The following GRIN2C variants were observed in gnomAD, a reference collection of about 807,000 sequenced individuals.
The protein encoded by GRIN2C is glutamate receptor ionotropic, NMDA 2C.
A neutral mutation model predicts 77.7 loss-of-function variants in GRIN2C; 64 were observed. The ratio of observed to expected loss-of-function variants is 0.82; its 90% confidence interval spans 0.67 to 1.01. GRIN2C has a LOEUF of 1.01. Among genes scored for constraint, GRIN2C ranks in the 50% least tolerant of loss-of-function variants. GRIN2C has a pLI of 0.00. For synonymous variants in GRIN2C, 792 were observed against 643.4 expected (o/e 1.23, Z -3.49); for missense variants, 1,549 against 1,486.0 (o/e 1.04, Z -0.70).
Position 74,842,953 on chromosome 17 carries a change from G to A in GRIN2C, c.3184C>T (p.Arg1062Trp), listed in dbSNP as rs1317018665. The change falls in exon 13 of 13, where the codon CGG (arginine) becomes TGG (tryptophan). Residue 1062 changes from arginine (R) to tryptophan (W), a missense_variant. Arg to Trp is a moderately radical substitution (Grantham distance 101). This residue lies in a region of GRIN2C where 450 missense variants were observed against 267.9 expected (regional missense o/e 1.68). Transcript: ENST00000293190. ...LPLLGPEQLA[R>W]REALLHAAWA... ...GCCGCGTGCAGCAGGGCCTCCCGCC[G>A]GGCCAGCTGCTCCGGACCGAGCAGC... 18 of 551,718 alleles carry A rather than the reference G, an allele frequency of 3.3e-5. No homozygotes were observed. Among genetic ancestry groups the A allele is most frequent in the Non-Finnish European group, 5.4e-5 (17 of 314,842 alleles). 34.2% of individuals were successfully genotyped at this position (551,718 alleles called of 1,614,324 possible). A position where few individuals can be genotyped will look rare whatever the true frequency, so the allele number is the denominator to read the frequency against.
chr17:74,844,204 A>G (rs750407219), intron 12 of GRIN2C, 72 bp downstream of exon 12: 5 of 1,582,702 alleles, frequency 3.2e-6, no homozygotes, highest in African/African-American at 1.3e-5. Flanking sequence ...GAAATGGGCC[A>G]TGGCCAGCCC....
chr17:74,849,757 T>C lies in GRIN2C; in HGVS notation c.1645+23A>G, dbSNP rs764503294. On this transcript the variant is annotated intron_variant, in intron 7 of 12. Coordinates refer to ENST00000293190, the MANE Select transcript of GRIN2C (RefSeq NM_000835.6). The surrounding 1 kb of genome is among the most constrained non-coding windows in gnomAD (Gnocchi z 4.6). ...GTGGGCCCCTCTGCCCCCGGAGCCG[T>C]CTCTGCCCACCCTGGGCCTCACCCA... 17 of 1,602,256 alleles carry C rather than the reference T, an allele frequency of 1.1e-5. No homozygotes were observed. The highest frequency in any genetic ancestry group is 1.4e-5 in the Non-Finnish European group (16 of 1,176,950).
At chr17:74,861,109 A>G (rs1040512466), upstream of GRIN2C, among the ~76,000 whole-genome samples, 5 of 152,212 alleles carry the variant, frequency 3.3e-5, no homozygotes, top group African/African-American at 4.8e-5. Context: ...GCGCCAAGCG[A>G]AGGAGGAGGA....
Position 74,856,613 on chromosome 17 carries a change from G to A in GRIN2C, c.-15-1506C>T, listed in dbSNP as rs377739851. 3.6e-4 allele frequency among the ~76,000 whole-genome samples: 55 copies of A among 151,838 alleles called. No individual in the cohort carries two copies. In the South Asian group the frequency reaches 9.0e-3, roughly 25 times the overall value. On this transcript the variant is annotated intron_variant, in intron 1 of 12. Coordinates refer to ENST00000293190, the MANE Select transcript of GRIN2C (RefSeq NM_000835.6). ...CCTGCCTCGGCCTCCCAAGTAGCTG[G>A]GACTACAGGCGCCCACCACCATGCC...
intron 7 of GRIN2C, among the ~76,000 whole-genome samples, chr17:74,848,925 G>A (rs1043994836): frequency 7.2e-5 from 11 of 151,918 alleles, no homozygotes; most frequent in Non-Finnish European, 2.9e-5. Context: ...GCTGAGGTGG[G>A]AGGATCACTT....
chr17:74,847,379 TG>T lies in GRIN2C; in HGVS notation c.1929del (p.Tyr643Ter). The T allele has an allele frequency of 1.3e-6, 2 of 1,584,122 alleles. No individual in the cohort carries two copies. The highest frequency in any genetic ancestry group is 1.7e-6 in the Non-Finnish European group (2 of 1,161,960). ...AFFAVIFLAS[Y>X]TANLAAFMIQ... ...ATCATGAAGGCGGCCAGGTTGGCCG[TG>T]TAGCTGGCGAGGAAGATGACAGCAA... On this transcript the variant is annotated frameshift_variant, in exon 9 of 13. Transcript: ENST00000293190. LOFTEE classifies it high-confidence loss of function. The surrounding 1 kb of genome is among the most constrained non-coding windows in gnomAD (Gnocchi z 5.2).
Position 74,850,998 on chromosome 17 carries a change from G to C in GRIN2C, c.1114-231C>G, listed in dbSNP as rs1011140125. 1 of 586,402 alleles carries C rather than the reference G, an allele frequency of 1.7e-6. No individual in the cohort carries two copies. The highest frequency in any genetic ancestry group is 3.1e-6 in the Non-Finnish European group (1 of 327,760). The allele number at this position is 586,402 out of a possible 1,614,324, so 36.3% of individuals were successfully genotyped here. A position where few individuals can be genotyped will look rare whatever the true frequency, so the allele number is the denominator to read the frequency against. On this transcript the variant is annotated intron_variant, in intron 4 of 12. Coordinates refer to ENST00000293190, the MANE Select transcript of GRIN2C (RefSeq NM_000835.6). The surrounding 1 kb of genome is among the most constrained non-coding windows in gnomAD (Gnocchi z 5.3). The stretch of plus-strand genomic sequence containing the variant: ...CAGACCTGACCCTGTCTCACTCACT[G>C]TACTGGTCCCCCCTGACTTTGACAG...
At chr17:74,845,704 T>C (rs1567889511) in intron 11 of GRIN2C, among the ~76,000 whole-genome samples, 1 of 152,114 alleles carries the variant, frequency 6.6e-6, no homozygotes, top group African/African-American at 2.4e-5. Context: ...GCCATGGAGA[T>C]ACTATACTGA....
rs2037605772 is a variant in GRIN2C, at chr17:74,850,530, C to T, written c.1325+26G>A. 6.2e-6 allele frequency: 10 copies of T among 1,609,202 alleles called. No individual in the cohort carries two copies. Among genetic ancestry groups the T allele is most frequent in the African/African-American group, 1.3e-5 (1 of 74,846 alleles). ...ATCACACGGCAGCACCCAGCTCACA[C>T]TAGCCTCCCAGGGCCCTCCACAGAC... On this transcript the variant is annotated intron_variant, in intron 5 of 12. Coordinates refer to ENST00000293190, the MANE Select transcript of GRIN2C (RefSeq NM_000835.6). This position sits in a 1 kb window ranked among gnomAD's most constrained non-coding sequence, Gnocchi z 5.3.
chr17:74,850,621 G>T lies in GRIN2C; in HGVS notation c.1260C>A (p.Asp420Glu). The T allele has an allele frequency of 6.2e-7, 1 of 1,613,656 alleles. No individual in the cohort carries two copies. Among genetic ancestry groups the T allele is most frequent in the Non-Finnish European group, 8.5e-7 (1 of 1,180,008 alleles). ...ERPFVIVESP[D>E]PGTGGCVPNT... ...TGGGGACACAGCCTCCTGTGCCAGG[G>T]TCAGGGCTCTCCACGATGACAAAGG... Residue 420 changes from aspartate to glutamate, a missense_variant, in exon 5 of 13, where the codon GAC becomes GAA. By Grantham distance (45) the Asp-to-Glu change is conservative. This residue lies in a region of GRIN2C where 717 missense variants were observed against 858.1 expected (regional missense o/e 0.84). Coordinates refer to ENST00000293190, the MANE Select transcript of GRIN2C (RefSeq NM_000835.6). The surrounding 1 kb of genome is among the most constrained non-coding windows in gnomAD (Gnocchi z 5.3).
chr17:74,853,310 T>TG, intron 2 of GRIN2C: 1 of 152,292 alleles, frequency 6.6e-6, no homozygotes, highest in Non-Finnish European at 1.5e-5. Flanking sequence ...GCAACGCAGT[T>TG]TCTTCAATAA....
rs145634769 is a variant in GRIN2C, at chr17:74,854,902, G to A, written c.191C>T (p.Pro64Leu). 137 of 1,613,370 alleles carry A rather than the reference G, an allele frequency of 8.5e-5. No individual in the cohort carries two copies. In the African/African-American group the frequency reaches 1.0e-3, roughly 12 times the overall value. The change falls in exon 2 of 13, where the codon CCG (proline) becomes CTG (leucine). Residue 64 changes from proline (P) to leucine (L), a missense_variant. By Grantham distance (98) the Pro-to-Leu change is moderately conservative (BLOSUM62 -3). Coordinates refer to ENST00000293190, the MANE Select transcript of GRIN2C (RefSeq NM_000835.6). ...SFLDLPLEIQ[P>L]LTVGVNTTNP... Reference sequence around the variant, plus strand: ...GGTGGTGTTGACCCCAACTGTGAGCGGCTGGATCTCCAGGGGTAGGTCCAG... The same window carrying A: ...GGTGGTGTTGACCCCAACTGTGAGCAGCTGGATCTCCAGGGGTAGGTCCAG...
At chr17:74,858,069 A>G (rs1004351563) in intron 1 of GRIN2C, among the ~76,000 whole-genome samples, 2 of 152,140 alleles carry the variant, frequency 1.3e-5, no homozygotes, top group African/African-American at 4.8e-5. Flanking sequence ...CTCTCCCTCA[A>G]CTGCAAAGGG....
chr17:74,847,060 T>C lies in GRIN2C; in HGVS notation c.2002-140A>G, dbSNP rs2037480083. ...AGGTCTTAAAGGCTGTCCAGGCCAC[T>C]CCTGTGTTTTCCAAATGGAGACTCT... On this transcript the variant is annotated intron_variant, in intron 9 of 12. Coordinates refer to ENST00000293190, the MANE Select transcript of GRIN2C (RefSeq NM_000835.6). This position sits in a 1 kb window ranked among gnomAD's most constrained non-coding sequence, Gnocchi z 5.2. The C allele has an allele frequency of 4.5e-6, 4 of 882,904 alleles. No homozygotes were observed. The highest frequency in any genetic ancestry group is 3.5e-5 in the South Asian group (2 of 57,790). The allele number at this position is 882,904 out of a possible 1,614,324, so 54.7% of individuals were successfully genotyped here. A position where few individuals can be genotyped will look rare whatever the true frequency, so the allele number is the denominator to read the frequency against.
chr17:74,857,837 A>G (rs2037856825), intron 1 of GRIN2C, among the ~76,000 whole-genome samples: 1 of 152,252 alleles, frequency 6.6e-6, no homozygotes, highest in Non-Finnish European at 1.5e-5. Flanking sequence ...CACATTGAAG[A>G]CAACAGGGAA....
chr17:74,845,747 G>A (rs1454404607), intron 11 of GRIN2C, among the ~76,000 whole-genome samples: 1 of 152,084 alleles, frequency 6.6e-6, no homozygotes, highest in Non-Finnish European at 1.5e-5. Flanking sequence ...AGAGATCTTG[G>A]GAGGGGTCTT....
rs1228487932 is a variant in GRIN2C at position 74,842,717 on chromosome 17, G to A, written c.3420C>T (p.Ala1140=). The change falls in exon 13 of 13, where the codon GCC becomes GCT. Residue 1140 remains alanine, a synonymous_variant. Coordinates refer to ENST00000293190, the MANE Select transcript of GRIN2C (RefSeq NM_000835.6). ...EACQEGEQAG[A]PAWQHRQHVC... is the part of the protein sequence containing the mutation. ...CGTGCTGTCTGTGCTGCCAGGCGGGGGCCCCTGCCTGCTCGCCCTCCTGGC... is the reference window on the plus strand; with the variant it reads ...CGTGCTGTCTGTGCTGCCAGGCGGGAGCCCCTGCCTGCTCGCCCTCCTGGC... 3 of 712,044 alleles carry A rather than the reference G, an allele frequency of 4.2e-6. No homozygotes were observed. Among genetic ancestry groups the A allele is most frequent in the East Asian group, 5.4e-5 (2 of 37,244 alleles). The allele number at this position is 712,044 out of a possible 1,614,324, so 44.1% of individuals were successfully genotyped here.
rs934092855 is a variant in GRIN2C, at chr17:74,846,252, T to G, written c.2164A>C (p.Lys722Gln). 7 of 1,613,734 alleles carry G rather than the reference T, an allele frequency of 4.3e-6. No individual in the cohort carries two copies. Among genetic ancestry groups the G allele is most frequent in the Admixed American group, 1.7e-5 (1 of 59,994 alleles). ...GCATCATAGATGAAGGCATCCAGCT[T>G]CCTGGGGACAGGCTGAGCCTCAGAG... Reference protein sequence around the residue: ...EDALTSLKMGKLDAFIYDAAV... With the variant: ...EDALTSLKMGQLDAFIYDAAV... The change falls in exon 11 of 13, where the codon AAG becomes CAG. Residue 722 changes from lysine to glutamine, a missense_variant and splice_region_variant. Coordinates refer to ENST00000293190, the MANE Select transcript of GRIN2C (RefSeq NM_000835.6). This position sits in a 1 kb window ranked among gnomAD's most constrained non-coding sequence, Gnocchi z 4.4.
Position 74,851,590 on chromosome 17 carries a change from C to T in GRIN2C, c.1100G>A (p.Arg367His), listed in dbSNP as rs138993857. The change falls in exon 4 of 13, where the codon CGC becomes CAC. Residue 367 changes from arginine (R) to histidine (H), a missense_variant. Physicochemically the swap from Arg to His is conservative, Grantham distance 29. Coordinates refer to ENST00000293190, the MANE Select transcript of GRIN2C (RefSeq NM_000835.6). ...TMVVIALNRH[R>H]LWEMVGRWEH... is the part of the protein sequence containing the mutation. ...CCCCCTTCTCACCATCTCCCAGAGG[C>T]GGTGCCGGTTGAGGGCGATCACCAC... The T allele has an allele frequency of 2.3e-5, 36 of 1,553,738 alleles. No homozygotes were observed. Among genetic ancestry groups the T allele is most frequent in the South Asian group, 3.5e-5 (3 of 84,544 alleles).
Sources: gnomAD v4.1 joint callset for allele counts (sites outside exome capture counted in the v4.1 genomes callset) on GRCh38, gnomAD v4.1.1 for gene constraint, gnomAD v4.1.1 regional missense constraint, Gnocchi (gnomAD v3.1) non-coding constraint, MANE v1.5 for transcripts, NCBI Gene and HGNC (gene_info 2026-07-23, HGNC 2026-07-21) for gene names.